STK32C: variants seen among roughly 807,000 people sequenced by gnomAD.
STK32C encodes the protein serine/threonine-protein kinase 32C.
Under a neutral mutation model 56.5 loss-of-function variants are expected in STK32C, and 31 were observed. The observed-to-expected ratio is 0.55, with a 90% confidence interval of 0.41 to 0.74. The LOEUF is 0.74. Ranked by LOEUF, STK32C falls within the 30% of genes least tolerant of loss-of-function variation. STK32C has a pLI of 0.00. For synonymous variants in STK32C, 309 were observed against 289.4 expected, an observed-to-expected ratio of 1.07 and a Z score of -0.69; for missense variants, 544 against 676.9, an observed-to-expected ratio of 0.80 and a Z score of 2.18.
At position 132,248,131 on chromosome 10, in the gene STK32C, C is replaced by T. The variant is rs191900209; in HGVS notation, c.263-2176G>A. Among the ~76,000 whole-genome samples the T allele has an allele frequency of 5.1e-3, 775 of 152,356 alleles. 11 individuals carry two copies. The highest frequency in any genetic ancestry group is 0.018 in the African/African-American group (742 of 41,580). On this transcript the variant is annotated intron_variant, in intron 1 of 11. Coordinates refer to ENST00000298630, the MANE Select transcript of STK32C (RefSeq NM_173575.4). ...AGAGGCTGCTCCAGCACCAGCAAAG[C>T]CACTCCAAGGCAGCCCGGGCCGCGG... is the stretch of plus-strand genomic sequence containing the variant.
chr10:132,298,014 T>C (rs2065806551), intron 1 of STK32C, among the ~76,000 whole-genome samples: 1 of 152,228 alleles, frequency 6.6e-6, no homozygotes, highest in South Asian at 2.1e-4. Context: ...TGCTTGGCCA[T>C]TTGGCTAAAC....
intron 2 of STK32C, among the ~76,000 whole-genome samples, chr10:132,233,952 C>A (rs547573794): frequency 6.6e-6 from 1 of 152,222 alleles, no homozygotes; most frequent in East Asian, 1.9e-4. Flanking sequence ...GCTGGGGCGC[C>A]GTCTGAGTCC....
At chr10:132,229,447 C>T (rs1281409034) in intron 2 of STK32C, among the ~76,000 whole-genome samples, 6 of 152,182 alleles carry the variant, frequency 3.9e-5, no homozygotes, top group South Asian at 2.1e-4. Context: ...CAGTGAGCCA[C>T]GACTGTACCA....
At chr10:132,314,355 G>A (rs978306552) in intron 1 of STK32C, among the ~76,000 whole-genome samples, 2 of 152,132 alleles carry the variant, frequency 1.3e-5, no homozygotes, top group African/African-American at 4.8e-5. Flanking sequence ...ACAGACTGAG[G>A]GTGGCTATCG....
At chr10:132,208,506 C>G (rs1398072187) in intron 11 of STK32C, among the ~76,000 whole-genome samples, 3 of 152,214 alleles carry the variant, frequency 2.0e-5, no homozygotes, top group South Asian at 2.1e-4. Context: ...GCCGTCTGCA[C>G]GTGCTGCCCT....
chr10:132,233,863 T>C (rs377558716), intron 2 of STK32C, among the ~76,000 whole-genome samples: 64 of 152,350 alleles, frequency 4.2e-4, no homozygotes, highest in African/African-American at 1.3e-3. Flanking sequence ...GACTGCAGGA[T>C]GGCCCCTTCG....
At chr10:132,309,078 G>A (rs1329605450), upstream of STK32C, among the ~76,000 whole-genome samples, 2 of 152,146 alleles carry the variant, frequency 1.3e-5, no homozygotes, top group South Asian at 2.1e-4. Context: ...GACGATGAGC[G>A]GATCCCCAAC....
chr10:132,223,319 G>A (rs73401740), intron 8 of STK32C, among the ~76,000 whole-genome samples: 1 of 152,088 alleles, frequency 6.6e-6, no homozygotes, highest in Non-Finnish European at 1.5e-5. Flanking sequence ...GCTAACACTC[G>A]GCACATGGCT....
intron 1 of STK32C, among the ~76,000 whole-genome samples, chr10:132,286,378 T>C (rs957952017): frequency 9.2e-5 from 14 of 152,184 alleles, no homozygotes; most frequent in Non-Finnish European, 1.5e-4. Context: ...CCACCAACCT[T>C]ACACAAACTT....
Position 132,224,401 on chromosome 10 carries a change from G to T in STK32C, c.993+6C>A. The T allele has an allele frequency of 6.5e-7, 1 of 1,546,096 alleles. No homozygotes were observed. The highest frequency in any genetic ancestry group is 8.7e-7 in the Non-Finnish European group (1 of 1,143,102). ...AGGGTGAGGAGGCTCAGGGATGGGGGCTCACCTTCCGCAGCAAGGCCACCA... is the reference window on the plus strand; with the variant it reads ...AGGGTGAGGAGGCTCAGGGATGGGGTCTCACCTTCCGCAGCAAGGCCACCA... On this transcript the variant is annotated splice_donor_region_variant and intron_variant, in intron 8 of 11. Transcript: ENST00000298630.
intron 1 of STK32C, among the ~76,000 whole-genome samples, chr10:132,276,265 A>G (rs2064996041): frequency 6.6e-6 from 1 of 152,220 alleles, no homozygotes; most frequent in Non-Finnish European, 1.5e-5. Flanking sequence ...CAGCAGAGTG[A>G]TGAGATGCCA....
chr10:132,316,884 A>T (rs2222799), intron 1 of STK32C, among the ~76,000 whole-genome samples: 43,710 of 151,122 alleles, frequency 0.29, 6,834 homozygotes, highest in African/African-American at 0.37. Flanking sequence ...TGAAACCCCG[A>T]CTCTAAAACT....
At chr10:132,282,031 C>G (rs540619907) in intron 1 of STK32C, among the ~76,000 whole-genome samples, 4 of 152,204 alleles carry the variant, frequency 2.6e-5, no homozygotes, top group Non-Finnish European at 5.9e-5. Context: ...TCCCTGATCC[C>G]GGCCTGGAGG....
At chr10:132,274,438 G>A (rs763242277) in intron 1 of STK32C, among the ~76,000 whole-genome samples, 8 of 152,184 alleles carry the variant, frequency 5.3e-5, no homozygotes, top group African/African-American at 9.7e-5. Flanking sequence ...AGAAATTTTC[G>A]TATGTGTTTG....
At chr10:132,331,114 T>G (rs1009589400) in intron 1 of STK32C, among the ~76,000 whole-genome samples, 1 of 146,806 alleles carries the variant, frequency 6.8e-6, no homozygotes, top group African/African-American at 2.5e-5. Context: ...GGCAGGAGAA[T>G]TGCTTGAACC....
chr10:132,296,707 G>A (rs1246012773), intron 1 of STK32C, among the ~76,000 whole-genome samples: 1 of 152,194 alleles, frequency 6.6e-6, no homozygotes, highest in Non-Finnish European at 1.5e-5. Flanking sequence ...CACAGCATCT[G>A]GTGGTTAGAC....
At chr10:132,212,682 C>G (rs544086480) in intron 10 of STK32C, among the ~76,000 whole-genome samples, 4 of 152,334 alleles carry the variant, frequency 2.6e-5, no homozygotes, top group Admixed American at 2.6e-4. Flanking sequence ...CACCTGCGTT[C>G]AGGAAATAAA....
chr10:132,307,608 T>A lies in STK32C; in HGVS notation c.226A>T (p.Thr76Ser). The A allele has an allele frequency of 3.6e-6, 5 of 1,393,006 alleles. No individual in the cohort carries two copies. The highest frequency in any genetic ancestry group is 3.8e-6 in the Non-Finnish European group (4 of 1,050,738). The allele number at this position is 1,393,006 out of a possible 1,614,324, so 86.3% of individuals were successfully genotyped here. Residue 76 changes from threonine to serine, a missense_variant, in exon 1 of 12, where the codon ACC becomes TCC. Around this residue, in one of 3 missense-constraint regions of STK32C, gnomAD observed 182 missense variants for 217.7 expected, o/e 0.84. Transcript: ENST00000298630. The surrounding 1 kb of genome is among the most constrained non-coding windows in gnomAD (Gnocchi z 4.4). ...TCGTCAAACACCGGCCTCCGCGCGG[T>A]GGCCGCCGACATGGACGAGCCCATC... is the stretch of plus-strand genomic sequence containing the variant. Reference protein sequence around the residue: ...KRMGSSMSAATARRPVFDDKE... With the variant: ...KRMGSSMSAASARRPVFDDKE...
chr10:132,225,387 C>T (rs763813981), intron 6 of STK32C, 51 bp from the exon 7 acceptor site: 2 of 1,587,808 alleles, frequency 1.3e-6, no homozygotes, highest in East Asian at 2.3e-5. Context: ...ACAGCCCGGA[C>T]CCGTGGGCAC....
Sources: gnomAD v4.1 joint callset for allele counts (sites outside exome capture counted in the v4.1 genomes callset) on GRCh38, gnomAD v4.1.1 for gene constraint, gnomAD v4.1.1 regional missense constraint, Gnocchi (gnomAD v3.1) non-coding constraint, MANE v1.5 for transcripts, NCBI Gene and HGNC (gene_info 2026-07-23, HGNC 2026-07-21) for gene names.